MYH13: variants seen among roughly 807,000 people sequenced by gnomAD.
MYH13 encodes myosin heavy chain 13, also known as myosin-13.
A neutral mutation model predicts 232.1 loss-of-function variants in MYH13; 177 were observed. The ratio of observed to expected loss-of-function variants is 0.76; its 90% CI spans 0.67 to 0.86. MYH13 has a LOEUF of 0.86. Ranked by LOEUF, MYH13 falls within the 40% of genes least tolerant of loss-of-function variation. MYH13 has a pLI of 0.00. For missense variants in MYH13, 2,246 were observed against 2,405.9 expected (o/e 0.93, Z 1.39); for synonymous variants, 884 against 923.5 (o/e 0.96, Z 0.78).
At chr17:10,322,630 G>GTTTTTTTT (rs769352001) in intron 23 of MYH13, among the ~76,000 whole-genome samples, 1 of 107,562 alleles carries the variant, frequency 9.3e-6, no homozygotes, top group Non-Finnish European at 1.8e-5. Context: ...TGTTACAGTT[G>GTTTTTTTT]TTTTTTTTTT....
Position 10,306,243 on chromosome 17 carries a change from T to TGTGTGTGG in MYH13, c.5466+215_5466+216insCCACACAC. ...AGATGTGTGTGTGTGTGTGTGTGTG[T>TGTGTGTGG]GTGTGTGTGTGTGTGTGTGTGTGTG... On this transcript the variant is annotated intron_variant, in intron 37 of 40. Coordinates refer to ENST00000252172, the MANE Select transcript of MYH13 (RefSeq NM_003802.3). The surrounding 1 kb of genome is among the most constrained non-coding windows in gnomAD (Gnocchi z 4.3). 1.3e-5 allele frequency among the ~76,000 whole-genome samples: 2 copies of TGTGTGTGG among 150,850 alleles called. No individual in the cohort carries two copies. The highest frequency in any genetic ancestry group is 4.2e-4 in the South Asian group (2 of 4,726).
At position 10,306,696 on chromosome 17, in the gene MYH13, G is replaced by T; in HGVS notation, c.5296-67C>A. On this transcript the variant is annotated intron_variant, in intron 36 of 40. Transcript: ENST00000252172. The surrounding 1 kb of genome is among the most constrained non-coding windows in gnomAD (Gnocchi z 4.3). ...ATCCCTACCCAGAGCTTGCAGAAGAGGCGAAGGCTGGGATCATGGTGCTGA... is the reference window on the plus strand; with the variant it reads ...ATCCCTACCCAGAGCTTGCAGAAGATGCGAAGGCTGGGATCATGGTGCTGA... 6.3e-7 allele frequency: 1 copy of T among 1,595,918 alleles called. No homozygotes were observed. The highest frequency in any genetic ancestry group is 1.3e-5 in the African/African-American group (1 of 74,540).
chr17:10,366,751 A>G (rs1005681289), intron 2 of MYH13, among the ~76,000 whole-genome samples: 6 of 152,184 alleles, frequency 3.9e-5, no homozygotes, highest in African/African-American at 1.4e-4. Context: ...TGAACATGTT[A>G]TAGTTCTCTC....
chr17:10,330,324 G>A (rs1907366842), intron 21 of MYH13, 63 bp downstream of exon 21: 1 of 1,590,626 alleles, frequency 6.3e-7, no homozygotes, highest in Non-Finnish European at 8.6e-7. Context: ...CTAAAAGCAG[G>A]AAGTGACAAT....
rs1906283588 is a variant in MYH13 at position 10,306,287 on chromosome 17, G to C, written c.5466+172C>G. Among the ~76,000 whole-genome samples the C allele has an allele frequency of 6.8e-6, 1 of 147,002 alleles. No individual in the cohort carries two copies. The highest frequency in any genetic ancestry group is 6.8e-5 in the Admixed American group (1 of 14,642). On this transcript the variant is annotated intron_variant, in intron 37 of 40. Coordinates refer to ENST00000252172, the MANE Select transcript of MYH13 (RefSeq NM_003802.3). The surrounding 1 kb of genome is among the most constrained non-coding windows in gnomAD (Gnocchi z 4.3). ...GTGTGTGTTTTGGGGCATAGGAACA[G>C]GTGAAACAGAAAGAGGTGAGAAATG...
At chr17:10,362,999 C>G (rs547397912) in intron 3 of MYH13, among the ~76,000 whole-genome samples, 1 of 152,162 alleles carries the variant, frequency 6.6e-6, no homozygotes. Context: ...CTCCTCTCTC[C>G]CCTATTGCTT....
Position 10,354,830 on chromosome 17 carries a change from T to A in MYH13, c.902-47A>T, listed in dbSNP as rs761713940. 8.4e-6 allele frequency: 13 copies of A among 1,541,972 alleles called. No homozygotes were observed. The South Asian group carries it at 1.4e-4, about 16-fold the overall frequency. On this transcript the variant is annotated intron_variant, in intron 10 of 40. Transcript: ENST00000252172. ...TTAATGGCTTATGCATAACTTACTCTGGGTTGTTTTTTTTTTCCCAACGTC... is the reference window on the plus strand; with the variant it reads ...TTAATGGCTTATGCATAACTTACTCAGGGTTGTTTTTTTTTTCCCAACGTC...
chr17:10,319,234 T>A, intron 26 of MYH13, 55 bp from the exon 27 acceptor site: 1 of 1,547,838 alleles, frequency 6.5e-7, no homozygotes. Context: ...CAGCCCCCTT[T>A]GAGAGGGGCT....
rs1263551796 is a variant in MYH13 at position 10,320,510 on chromosome 17, C to T, written c.3112-14G>A. On this transcript the variant is annotated splice_polypyrimidine_tract_variant and intron_variant, in intron 24 of 40. Coordinates refer to ENST00000252172, the MANE Select transcript of MYH13 (RefSeq NM_003802.3). ...GGAACCCTCAAGCTGAGAAGACACACAGGTAGAAAATTAAGCCCCTGCTGG... is the reference window on the plus strand; with the variant it reads ...GGAACCCTCAAGCTGAGAAGACACATAGGTAGAAAATTAAGCCCCTGCTGG... 7 of 1,608,922 alleles carry T rather than the reference C, an allele frequency of 4.4e-6. No homozygotes were observed. Among genetic ancestry groups the T allele is most frequent in the Non-Finnish European group, 5.9e-6 (7 of 1,177,876 alleles).
At chr17:10,301,749 C>G (rs746765126) in intron 39 of MYH13, 46 bp from the exon 40 acceptor site, 5 of 1,604,944 alleles carry the variant, frequency 3.1e-6, no homozygotes, top group Non-Finnish European at 2.5e-6. Context: ...GCCTCTCAGT[C>G]CGATTATGAG....
intron 20 of MYH13, among the ~76,000 whole-genome samples, chr17:10,331,550 C>T (rs1020044189): frequency 3.3e-5 from 5 of 152,166 alleles, no homozygotes; most frequent in Admixed American, 2.0e-4. Context: ...CTGATACTCA[C>T]GTGCTCAATA....
chr17:10,364,233 G>C, intron 3 of MYH13, 94 bp downstream of exon 3: 2 of 1,311,584 alleles, frequency 1.5e-6, no homozygotes, highest in Non-Finnish European at 2.1e-6. Flanking sequence ...TCTGTCTTCA[G>C]ATTCCGAAGG....
chr17:10,346,818 T>C lies in MYH13; in HGVS notation c.1145-20A>G. The C allele has an allele frequency of 6.3e-7, 1 of 1,590,128 alleles. No homozygotes were observed. The highest frequency in any genetic ancestry group is 1.3e-5 in the African/African-American group (1 of 74,510). On this transcript the variant is annotated intron_variant, in intron 12 of 40. Transcript: ENST00000252172. ...CAGCCACTGAAGGAAGAGAAAAAAA[T>C]GGCATCATGCAAAAACAGTAGCTGC... is the stretch of plus-strand genomic sequence containing the variant.
At chr17:10,338,689 G>GTTTTTTTTT (rs757791680) in intron 18 of MYH13, among the ~76,000 whole-genome samples, 20 of 108,770 alleles carry the variant, frequency 1.8e-4, no homozygotes, top group South Asian at 2.7e-4. Context: ...TTTTATCCTT[G>GTTTTTTTTT]TTTTTTTTTT....
rs561439286 is a variant in MYH13 at position 10,362,050 on chromosome 17, G to A, written c.505+68C>T. On this transcript the variant is annotated intron_variant, in intron 5 of 40. Transcript: ENST00000252172. Reference sequence around the variant, plus strand: ...TTATTGCACCATTCAGATGGCCAACGCCCATCAAAAGCTTGAAAAATTAAC... The same window carrying A: ...TTATTGCACCATTCAGATGGCCAACACCCATCAAAAGCTTGAAAAATTAAC... 70 of 1,611,580 alleles carry A rather than the reference G, an allele frequency of 4.3e-5. 1 individual carries two copies. The highest frequency in any genetic ancestry group is 8.8e-5 in the South Asian group (8 of 90,976).
chr17:10,365,900 T>C (rs1057472058), intron 2 of MYH13, among the ~76,000 whole-genome samples: 6 of 151,284 alleles, frequency 4.0e-5, no homozygotes, highest in Admixed American at 2.6e-4. Flanking sequence ...GGGCTGTGTG[T>C]GTGTAGGGGG....
At position 10,326,627 on chromosome 17, in the gene MYH13, C is replaced by T. The variant is rs150075467; in HGVS notation, c.2691+1239G>A. Among the ~76,000 whole-genome samples the T allele has an allele frequency of 9.5e-3, 1,302 of 137,750 alleles. 8 individuals are homozygous for T. Among genetic ancestry groups the T allele is most frequent in the Non-Finnish European group, 0.015 (937 of 61,732 alleles). The allele number at this position is 137,750 out of a possible 152,430, so 90.4% of individuals were successfully genotyped here. A position where few individuals can be genotyped will look rare whatever the true frequency, so the allele number is the denominator to read the frequency against. ...CTGGCACTACCAGCGTGTGCCACCA[C>T]ACCTGGCTAATTTTTTTTTTTTTGT... On this transcript the variant is annotated intron_variant, in intron 22 of 40. Coordinates refer to ENST00000252172, the MANE Select transcript of MYH13 (RefSeq NM_003802.3).
chr17:10,324,052 A>G lies in MYH13; in HGVS notation c.2904T>C (p.Val968=). ...IDDLELTLTK[V]EKEKHATENK... Reference sequence around the variant, plus strand: ...TCTCTGTGGCATGCTTCTCCTTTTCAACTTTCGTCAAGGTCAGCTCCAGGT... The same window carrying G: ...TCTCTGTGGCATGCTTCTCCTTTTCGACTTTCGTCAAGGTCAGCTCCAGGT... The change falls in exon 23 of 41, where the codon GTT becomes GTC. Residue 968 remains valine, a synonymous_variant. Transcript: ENST00000252172. The G allele has an allele frequency of 6.2e-7, 1 of 1,613,876 alleles. No individual in the cohort carries two copies. The highest frequency in any genetic ancestry group is 8.5e-7 in the Non-Finnish European group (1 of 1,179,940).
In MYH13 at chr17:10,334,374, C is replaced by A. The variant is rs1907516359; in HGVS notation, c.2057-1183G>T. Among the ~76,000 whole-genome samples, 4 of 152,076 alleles carry A rather than the reference C, an allele frequency of 2.6e-5. No homozygotes were observed. In the East Asian group the frequency reaches 5.8e-4, roughly 22 times the overall value. ...CTGCACTGTCAGATACCGTAGTGAC[C>A]AGCCACATGTGGCTATTTACATTTA... is the stretch of plus-strand genomic sequence containing the variant. On this transcript the variant is annotated intron_variant, in intron 18 of 40. Coordinates refer to ENST00000252172, the MANE Select transcript of MYH13 (RefSeq NM_003802.3).
Sources: allele counts gnomAD v4.1 joint callset (sites outside exome capture counted in the v4.1 genomes callset), GRCh38; gene constraint gnomAD v4.1.1; non-coding constraint Gnocchi (gnomAD v3.1); transcripts MANE v1.5; gene names NCBI Gene and HGNC (gene_info 2026-07-23, HGNC 2026-07-21).